The following CTNNA2 variants were observed in gnomAD, a reference collection of about 807,000 sequenced individuals.
The protein encoded by CTNNA2 is catenin alpha-2.
In CTNNA2, 42 loss-of-function variants were observed where a neutral mutation model predicts 101.0. The observed-to-expected ratio is 0.42, with a 90% CI of 0.32 to 0.54. The LOEUF is 0.54. Ranked by LOEUF, CTNNA2 falls within the 20% of genes least tolerant of loss-of-function variation. The pLI, the probability that CTNNA2 is intolerant of heterozygous loss-of-function variation, is 0.14. For synonymous variants in CTNNA2, 450 were observed against 456.4 expected, an observed-to-expected ratio of 0.99 and a Z score of 0.18; for missense variants, 871 against 1,223.1, an observed-to-expected ratio of 0.71 and a Z score of 4.29.
intron 2 of CTNNA2, among the ~76,000 whole-genome samples, chr2:79,290,152 G>T (rs1289729041): frequency 6.6e-6 from 1 of 152,114 alleles, no homozygotes; most frequent in Non-Finnish European, 1.5e-5. Flanking sequence ...TCCAGGCCCT[G>T]AACATAGAGT....
At chr2:80,389,742 C>T (rs982210624) in intron 7 of CTNNA2, among the ~76,000 whole-genome samples, 10 of 152,154 alleles carry the variant, frequency 6.6e-5, no homozygotes, top group African/African-American at 2.4e-4. Flanking sequence ...AATTGACTAT[C>T]CCATCCAGTG....
chr2:80,145,327 T>C (rs1703265824), intron 7 of CTNNA2, among the ~76,000 whole-genome samples: 1 of 152,148 alleles, frequency 6.6e-6, no homozygotes, highest in Non-Finnish European at 1.5e-5. Flanking sequence ...TCCCCAGTCA[T>C]TCATCCAACA....
At chr2:79,723,235 G>T (rs1686601839) in intron 2 of CTNNA2, among the ~76,000 whole-genome samples, 1 of 152,038 alleles carries the variant, frequency 6.6e-6, no homozygotes, top group Non-Finnish European at 1.5e-5. Flanking sequence ...TGGCTTTAGA[G>T]AAAAATTAAA....
chr2:79,813,116 A>G (rs1001354312), intron 3 of CTNNA2, among the ~76,000 whole-genome samples: 6 of 152,168 alleles, frequency 3.9e-5, no homozygotes, highest in Non-Finnish European at 8.8e-5. Context: ...AAAAGTAGGA[A>G]AGTCCTGGGT....
chr2:80,200,540 G>A (rs976886312), intron 7 of CTNNA2, among the ~76,000 whole-genome samples: 2 of 151,928 alleles, frequency 1.3e-5, no homozygotes, highest in African/African-American at 4.8e-5. Context: ...TTGTTTGTTT[G>A]TTTGTTTGTT....
At chr2:79,896,767 T>C (rs1328626193) in intron 6 of CTNNA2, among the ~76,000 whole-genome samples, 1 of 152,206 alleles carries the variant, frequency 6.6e-6, no homozygotes, top group Non-Finnish European at 1.5e-5. Flanking sequence ...AGAGGAAAGT[T>C]TTGTACACAA....
chr2:80,448,253 T>C (rs1469105547), intron 9 of CTNNA2, among the ~76,000 whole-genome samples: 1 of 152,194 alleles, frequency 6.6e-6, no homozygotes, highest in African/African-American at 2.4e-5. Flanking sequence ...TTCAGCAGCC[T>C]GGATTTACTA....
At chr2:80,252,841 C>T (rs951542145) in intron 7 of CTNNA2, among the ~76,000 whole-genome samples, 2 of 151,978 alleles carry the variant, frequency 1.3e-5, no homozygotes, top group African/African-American at 4.8e-5. Context: ...CTGCAGGAGG[C>T]GTAATGGGTA....
intron 2 of CTNNA2, among the ~76,000 whole-genome samples, chr2:79,733,397 TTTTC>T (rs1252001202): frequency 6.6e-6 from 1 of 152,098 alleles, no homozygotes; most frequent in East Asian, 1.9e-4. Context: ...CAGCTATGTG[TTTTC>T]TTATAGTTTA....
intron 7 of CTNNA2, among the ~76,000 whole-genome samples, chr2:79,937,615 A>G (rs1687876898): frequency 6.6e-6 from 1 of 152,224 alleles, no homozygotes. Context: ...GAAGATAACC[A>G]CAGAAAAAAA....
chr2:79,852,879 C>T (rs939909375), intron 3 of CTNNA2, among the ~76,000 whole-genome samples: 12 of 151,254 alleles, frequency 7.9e-5, no homozygotes, highest in Admixed American at 3.9e-4. Context: ...CGTGAGCCAC[C>T]GCGCACAGCC....
At chr2:80,304,023 A>G (rs1183904203) in intron 7 of CTNNA2, 3 of 512,966 alleles carry the variant, frequency 5.8e-6, no homozygotes, top group South Asian at 6.5e-5. Flanking sequence ...GCTGGGCAGC[A>G]TAGAAAGTTC....
intron 7 of CTNNA2, among the ~76,000 whole-genome samples, chr2:80,306,313 ACAT>A (rs1338568413): frequency 6.6e-6 from 1 of 152,212 alleles, no homozygotes; most frequent in Non-Finnish European, 1.5e-5. Context: ...AGGCCAAGAG[ACAT>A]CATGGTTTAT....
chr2:80,431,261 A>G (rs1473151855), intron 9 of CTNNA2, among the ~76,000 whole-genome samples: 2 of 152,198 alleles, frequency 1.3e-5, no homozygotes, highest in South Asian at 2.1e-4. Context: ...CCCAAGGCTC[A>G]GTGGGTATGT....
chr2:79,455,141 C>A (rs1450843578), intron 4 of CTNNA2, among the ~76,000 whole-genome samples: 1 of 152,148 alleles, frequency 6.6e-6, no homozygotes, highest in African/African-American at 2.4e-5. Flanking sequence ...TGACTATGCT[C>A]ATCATGCATT....
At chr2:80,457,743 A>G (rs963464573) in intron 9 of CTNNA2, among the ~76,000 whole-genome samples, 2 of 152,086 alleles carry the variant, frequency 1.3e-5, no homozygotes, top group Non-Finnish European at 2.9e-5. Flanking sequence ...ACCTTCATAT[A>G]CTGATGCTCT....
intron 2 of CTNNA2, among the ~76,000 whole-genome samples, chr2:79,258,509 G>T (rs1674876697): frequency 6.6e-6 from 1 of 152,136 alleles, no homozygotes; most frequent in South Asian, 2.1e-4. Context: ...CTATCTGTAT[G>T]TCCTTCACCA....
intron 4 of CTNNA2, among the ~76,000 whole-genome samples, chr2:79,501,801 T>A (rs1418637637): frequency 6.6e-6 from 1 of 152,140 alleles, no homozygotes; most frequent in African/African-American, 2.4e-5. Flanking sequence ...AAGCACATGA[T>A]CTTGTGTATA....
intron 7 of CTNNA2, among the ~76,000 whole-genome samples, chr2:80,067,288 C>A (rs1001077906): frequency 6.6e-6 from 1 of 151,712 alleles, no homozygotes; most frequent in Non-Finnish European, 1.5e-5. Context: ...CTTAATTTAG[C>A]CATTCCACAA....
Sources: allele counts gnomAD v4.1 joint callset (sites outside exome capture counted in the v4.1 genomes callset), GRCh38; gene constraint gnomAD v4.1.1; transcripts MANE v1.5; gene names NCBI Gene and HGNC (gene_info 2026-07-23, HGNC 2026-07-21).